GRM5: variants seen among roughly 807,000 people sequenced by gnomAD.
GRM5 encodes metabotropic glutamate receptor 5.
GRM5 carries 19 observed loss-of-function variants against 83.1 expected under a neutral mutation model. The ratio of observed to expected loss-of-function variants is 0.23; its 90% CI spans 0.16 to 0.34. GRM5 has a LOEUF of 0.34. Among genes scored for constraint, GRM5 ranks in the 10% least tolerant of loss-of-function variants. The probability of loss-of-function intolerance (pLI) is 1.00; values close to 1 mark genes in which losing one functional copy is unlikely to be tolerated. For missense variants in GRM5, 1,160 were observed against 1,588.3 expected (o/e 0.73, Z 4.58); for synonymous variants, 675 against 633.6 (o/e 1.07, Z -0.98).
intron 9 of GRM5, among the ~76,000 whole-genome samples, chr11:88,510,705 G>A (rs1175337988): frequency 1.3e-5 from 2 of 152,090 alleles, no homozygotes; most frequent in African/African-American, 2.4e-5. Context: ...TAGTAGATAC[G>A]GGGTTTCACC....
chr11:88,562,705 C>G (rs308872), intron 8 of GRM5, among the ~76,000 whole-genome samples: 29,028 of 151,914 alleles, frequency 0.19, 4,011 homozygotes, highest in African/African-American at 0.4. Flanking sequence ...GTGACTACTA[C>G]TAGGTGCTAA....
At chr11:89,017,966 T>C (rs1371228176) in intron 2 of GRM5, among the ~76,000 whole-genome samples, 1 of 152,096 alleles carries the variant, frequency 6.6e-6, no homozygotes, top group Non-Finnish European at 1.5e-5. Context: ...ACTCTTTCAG[T>C]TATATATCCA....
intron 2 of GRM5, among the ~76,000 whole-genome samples, chr11:89,030,901 TATAA>T (rs1565343123): frequency 6.6e-6 from 1 of 152,040 alleles, no homozygotes; most frequent in Non-Finnish European, 1.5e-5. Flanking sequence ...TGATTCTAAA[TATAA>T]ATGTGTCTAG....
chr11:88,634,954 C>A (rs1939077880), intron 4 of GRM5, among the ~76,000 whole-genome samples: 2 of 152,184 alleles, frequency 1.3e-5, no homozygotes, highest in African/African-American at 4.8e-5. Flanking sequence ...TGTGGACCAT[C>A]GTTTACTGAA....
At chr11:88,686,325 A>G (rs1940620845) in intron 3 of GRM5, among the ~76,000 whole-genome samples, 1 of 152,154 alleles carries the variant, frequency 6.6e-6, no homozygotes, top group South Asian at 2.1e-4. Flanking sequence ...GGCTGTATTT[A>G]CCCAATACAT....
At chr11:88,980,748 G>A (rs543560180) in intron 2 of GRM5, among the ~76,000 whole-genome samples, 106 of 152,110 alleles carry the variant, frequency 7.0e-4, no homozygotes, top group African/African-American at 2.3e-3. Context: ...GCATGAACCC[G>A]GGAGGCAGAG....
At chr11:88,905,270 G>A (rs973823214) in intron 2 of GRM5, among the ~76,000 whole-genome samples, 2 of 152,192 alleles carry the variant, frequency 1.3e-5, no homozygotes, top group African/African-American at 2.4e-5. Context: ...GCAGGAGCCT[G>A]CCAAAGAGCA....
chr11:88,758,602 C>A (rs1328006595), intron 3 of GRM5, among the ~76,000 whole-genome samples: 1 of 151,988 alleles, frequency 6.6e-6, no homozygotes, highest in Non-Finnish European at 1.5e-5. Flanking sequence ...GTAAAGGGAC[C>A]AAATCTAAGA....
intron 2 of GRM5, among the ~76,000 whole-genome samples, chr11:89,040,651 T>C (rs1362481648): frequency 2.6e-5 from 4 of 152,132 alleles, no homozygotes; most frequent in African/African-American, 9.7e-5. Flanking sequence ...CAGTGATCTA[T>C]GACCATGCCA....
At chr11:88,735,775 C>T (rs369586803) in intron 3 of GRM5, among the ~76,000 whole-genome samples, 2 of 151,956 alleles carry the variant, frequency 1.3e-5, no homozygotes, top group Non-Finnish European at 2.9e-5. Flanking sequence ...AATGTCAGAC[C>T]GTTCGGGAGA....
chr11:88,827,833 G>A (rs1209793940), intron 3 of GRM5, among the ~76,000 whole-genome samples: 1 of 152,158 alleles, frequency 6.6e-6, no homozygotes, highest in Non-Finnish European at 1.5e-5. Flanking sequence ...AGACTAGAGA[G>A]ACAATAAACC....
chr11:88,540,924 G>T (rs1976612), intron 8 of GRM5, among the ~76,000 whole-genome samples: 16,189 of 150,312 alleles, frequency 0.11, 1,172 homozygotes, highest in Non-Finnish European at 0.16. Flanking sequence ...TTTTTTTTTT[G>T]TATTTTTAGT....
intron 2 of GRM5, among the ~76,000 whole-genome samples, chr11:88,927,321 A>G (rs572408263): frequency 2.6e-5 from 4 of 152,154 alleles, no homozygotes; most frequent in Admixed American, 2.6e-4. Flanking sequence ...ATATTCTAGA[A>G]GTAAAACCTC....
At chr11:88,605,315 A>T (rs1938111432) in intron 4 of GRM5, among the ~76,000 whole-genome samples, 1 of 151,874 alleles carries the variant, frequency 6.6e-6, no homozygotes, top group African/African-American at 2.4e-5. Flanking sequence ...GAGCTGTGAT[A>T]ATATACCTTT....
At chr11:88,537,606 T>C (rs1345048969) in intron 8 of GRM5, among the ~76,000 whole-genome samples, 1 of 152,140 alleles carries the variant, frequency 6.6e-6, no homozygotes, top group Admixed American at 6.6e-5. Flanking sequence ...TGAAGCCAAA[T>C]TTAAAAAGAT....
chr11:88,954,586 T>C (rs1938552994), intron 2 of GRM5, among the ~76,000 whole-genome samples: 1 of 152,210 alleles, frequency 6.6e-6, no homozygotes, highest in South Asian at 2.1e-4. Context: ...ATCTAAGCTG[T>C]TTGATACCAG....
At chr11:88,772,767 A>G (rs1308476105) in intron 3 of GRM5, among the ~76,000 whole-genome samples, 1 of 152,174 alleles carries the variant, frequency 6.6e-6, no homozygotes, top group East Asian at 1.9e-4. Context: ...TGTCCCTACA[A>G]AGGACATGAA....
intron 3 of GRM5, among the ~76,000 whole-genome samples, chr11:88,744,846 A>G (rs1327802950): frequency 2.6e-5 from 4 of 152,168 alleles, no homozygotes; most frequent in Admixed American, 6.6e-5. Context: ...CATTTGGCAA[A>G]CACTGAGTTT....
At chr11:89,063,110 T>C (rs1054018135) in intron 1 of GRM5, among the ~76,000 whole-genome samples, 2 of 152,332 alleles carry the variant, frequency 1.3e-5, no homozygotes, top group Admixed American at 1.3e-4. Flanking sequence ...CTCTGTCCTC[T>C]TTTCCTCTCC....
Sources: gnomAD v4.1 joint callset for allele counts (sites outside exome capture counted in the v4.1 genomes callset) on GRCh38, gnomAD v4.1.1 for gene constraint, MANE v1.5 for transcripts, NCBI Gene and HGNC (gene_info 2026-07-23, HGNC 2026-07-21) for gene names.